Variants in CHD2 observed in about 807,000 individuals in gnomAD.
CHD2 encodes the protein chromodomain helicase DNA binding protein 2.
Under a neutral mutation model 243.9 loss-of-function variants are expected in CHD2, and 28 were observed. The ratio of observed to expected loss-of-function variants is 0.11; its 90% CI spans 0.09 to 0.16. The LOEUF (loss-of-function observed/expected upper bound fraction) is 0.16. Ranked by LOEUF, CHD2 falls within the 10% of genes least tolerant of loss-of-function variation. The pLI is 1.00. For synonymous variants in CHD2, 775 were observed against 779.0 expected, an observed-to-expected ratio of 0.99 and a Z score of 0.09; for missense variants, 1,386 against 2,209.8, an observed-to-expected ratio of 0.63 and a Z score of 7.47.
chr15:92,944,546 T>G, intron 10 of CHD2, 31 bp downstream of exon 10: 1 of 1,190,956 alleles, frequency 8.4e-7, no homozygotes, highest in Non-Finnish European at 1.2e-6. Flanking sequence ...TTCAGCCATA[T>G]TTGAACTTGA....
At chr15:92,972,477 C>G (rs1424178456) in intron 19 of CHD2, 60 bp downstream of exon 19, 1 of 1,425,592 alleles carries the variant, frequency 7.0e-7, no homozygotes, top group Non-Finnish European at 9.5e-7. Context: ...CCTCCCCTCC[C>G]CAACCTTCCT....
intron 34 of CHD2, among the ~76,000 whole-genome samples, chr15:93,007,940 G>A (rs533643304): frequency 2.0e-5 from 3 of 152,042 alleles, no homozygotes; most frequent in African/African-American, 4.8e-5. Flanking sequence ...ACTTTGCTTC[G>A]GTGGCTTTGC....
intron 16 of CHD2, among the ~76,000 whole-genome samples, chr15:92,963,468 A>G (rs1419011124): frequency 1.3e-5 from 2 of 152,208 alleles, no homozygotes; most frequent in South Asian, 4.1e-4. Context: ...TTATAAATCC[A>G]AGAATACAAG....
chr15:92,927,089 T>A (rs539023656), intron 3 of CHD2, among the ~76,000 whole-genome samples, 155 bp from the exon 4 acceptor site: 29 of 151,990 alleles, frequency 1.9e-4, no homozygotes, highest in African/African-American at 4.4e-4. Flanking sequence ...ATGCCTATTT[T>A]AAAAAAAATG....
At chr15:92,990,617 A>G (rs1041673607) in intron 26 of CHD2, among the ~76,000 whole-genome samples, 2 of 152,180 alleles carry the variant, frequency 1.3e-5, no homozygotes, top group Admixed American at 1.3e-4. Context: ...TAACCTTTGT[A>G]TCTGCGCTGT....
intron 16 of CHD2, among the ~76,000 whole-genome samples, chr15:92,965,969 T>C (rs1216961160): frequency 2.0e-5 from 3 of 152,200 alleles, no homozygotes; most frequent in Non-Finnish European, 1.5e-5. Flanking sequence ...GTGATATTTC[T>C]ACTTCTACTG....
chr15:93,013,183 C>T (rs2054414174), intron 36 of CHD2, among the ~76,000 whole-genome samples: 1 of 152,184 alleles, frequency 6.6e-6, no homozygotes, highest in Non-Finnish European at 1.5e-5. Context: ...CTGTGTTGGC[C>T]TGTGAAGCAG....
chr15:92,962,692 C>G (rs769855941), intron 16 of CHD2, among the ~76,000 whole-genome samples: 4 of 152,094 alleles, frequency 2.6e-5, no homozygotes, highest in Non-Finnish European at 5.9e-5. Context: ...ACTTTTATAT[C>G]TTTTCTAACT....
intron 11 of CHD2, 27 bp downstream of exon 11, chr15:92,945,892 GTTC>G: frequency 1.3e-6 from 2 of 1,550,028 alleles, no homozygotes; most frequent in Non-Finnish European, 1.8e-6. Context: ...ATTTATAAAT[GTTC>G]TTCAACATTT....
chr15:92,959,390 A>T (rs895866718), intron 16 of CHD2, among the ~76,000 whole-genome samples: 7 of 152,246 alleles, frequency 4.6e-5, no homozygotes, highest in African/African-American at 1.7e-4. Context: ...CATAAATGTC[A>T]TGCTTTGTTT....
intron 3 of CHD2, 144 bp downstream of exon 3, chr15:92,924,696 G>A (rs1186287042): frequency 3.1e-6 from 2 of 653,454 alleles, no homozygotes; most frequent in South Asian, 1.9e-5. Context: ...GTATATCTGA[G>A]GATACAAATG....
chr15:92,971,600 A>G (rs1397246809), intron 17 of CHD2, among the ~76,000 whole-genome samples, 165 bp from the exon 18 acceptor site: 1 of 152,220 alleles, frequency 6.6e-6, no homozygotes, highest in East Asian at 1.9e-4. Flanking sequence ...TGAAAGATGT[A>G]TGATTAGATG....
chr15:93,022,985 A>AT (rs1228742763), intron 38 of CHD2, among the ~76,000 whole-genome samples: 1 of 152,188 alleles, frequency 6.6e-6, no homozygotes, highest in Non-Finnish European at 1.5e-5. Context: ...TTTGACTGGA[A>AT]CTTGAGATTG....
chr15:92,915,475 C>T (rs12594492), intron 2 of CHD2, among the ~76,000 whole-genome samples: 35,754 of 151,748 alleles, frequency 0.24, 4,501 homozygotes, highest in South Asian at 0.35. Flanking sequence ...AGTGTTTCAC[C>T]GTGTTAGCCA....
At chr15:92,948,240 A>G (rs1304415463) in intron 12 of CHD2, among the ~76,000 whole-genome samples, 6 of 152,174 alleles carry the variant, frequency 3.9e-5, no homozygotes, top group Non-Finnish European at 8.8e-5. Context: ...GCATTTCTGA[A>G]TTTACAAATC....
intron 16 of CHD2, among the ~76,000 whole-genome samples, chr15:92,962,598 G>C (rs2053705080): frequency 6.6e-6 from 1 of 152,146 alleles, no homozygotes; most frequent in South Asian, 2.1e-4. Context: ...ATAAGTGCTT[G>C]TAAAGAATAA....
At chr15:93,017,492 ATTTTTT>A (rs760713016) in intron 37 of CHD2, among the ~76,000 whole-genome samples, 29 of 96,804 alleles carry the variant, frequency 3.0e-4, no homozygotes, top group African/African-American at 1.0e-3. Flanking sequence ...TGCCGGGCTA[ATTTTTT>A]TTTTTTTTTT....
At position 92,904,790 on chromosome 15, in the gene CHD2, G is replaced by A. The variant is rs2052588840; in HGVS notation, c.62+3491G>A. The A allele has an allele frequency of 6.9e-6, 10 of 1,451,916 alleles. No individual in the cohort carries two copies. The Admixed American group carries it at 1.0e-4, about 15-fold the overall frequency. 89.9% of individuals were successfully genotyped at this position (1,451,916 alleles called of 1,614,324 possible). A position where few individuals can be genotyped will look rare whatever the true frequency, so the allele number is the denominator to read the frequency against. ...CGTCCCTTCTCCCCGCCCCCGTTCA[G>A]TGTGAAGAGATGAGTGGGTTTAATT... On this transcript the variant is annotated intron_variant, in intron 2 of 38. Transcript: ENST00000394196.
chr15:92,920,592 C>T (rs753666886), intron 2 of CHD2, among the ~76,000 whole-genome samples: 54 of 152,108 alleles, frequency 3.6e-4, no homozygotes, highest in African/African-American at 1.3e-3. Flanking sequence ...CTAATGCTGC[C>T]TTTTGTGGGT....
Sources: allele counts gnomAD v4.1 joint callset (sites outside exome capture counted in the v4.1 genomes callset), GRCh38; gene constraint gnomAD v4.1.1; transcripts MANE v1.5; gene names NCBI Gene and HGNC (gene_info 2026-07-23, HGNC 2026-07-21).